AVEN: variants seen among roughly 807,000 people sequenced by gnomAD.
AVEN encodes cell death regulator Aven.
In AVEN, 41 loss-of-function variants were observed where a neutral mutation model predicts 38.1. The ratio of observed to expected loss-of-function variants is 1.08; its 90% CI spans 0.84 to 1.40. The LOEUF (loss-of-function observed/expected upper bound fraction) is 1.40, where lower values mean the gene tolerates loss of function less well. Among genes scored for constraint, AVEN ranks in the 40% most tolerant of loss-of-function variants. The pLI, the probability that AVEN is intolerant of heterozygous loss-of-function variation, is 0.00. For synonymous variants in AVEN, 206 were observed against 171.8 expected (o/e 1.20, Z -1.56); for missense variants, 605 against 438.8 (o/e 1.38, Z -3.38).
chr15:33,893,425 T>C (rs1044353818), intron 2 of AVEN, among the ~76,000 whole-genome samples: 1 of 152,124 alleles, frequency 6.6e-6, no homozygotes, highest in African/African-American at 2.4e-5. Flanking sequence ...GAAAGTAGTA[T>C]TTGCAGGGCG....
chr15:33,968,097 C>CT (rs1895462090), intron 2 of AVEN, among the ~76,000 whole-genome samples: 1 of 3,656 alleles, frequency 2.7e-4, no homozygotes, highest in African/African-American at 3.2e-4. Context: ...CCTAGCAAAG[C>CT]TTAAAAAAAA....
At chr15:34,001,869 C>A (rs1897149932) in intron 2 of AVEN, among the ~76,000 whole-genome samples, 1 of 152,174 alleles carries the variant, frequency 6.6e-6, no homozygotes, top group Non-Finnish European at 1.5e-5. Context: ...AAAGGTAGAA[C>A]TAAACAGCAA....
chr15:33,942,119 T>C (rs1894338702), intron 2 of AVEN, among the ~76,000 whole-genome samples: 1 of 152,230 alleles, frequency 6.6e-6, no homozygotes, highest in African/African-American at 2.4e-5. Context: ...CACAAAAAAA[T>C]TAATCTGTCC....
At chr15:33,864,060 G>C, downstream of AVEN, 4 of 1,086,012 alleles carry the variant, frequency 3.7e-6, no homozygotes, top group South Asian at 4.1e-5. Context: ...GCCTTTCTGA[G>C]CCCTGATCAC....
chr15:33,867,413 G>A, intron 5 of AVEN, 82 bp downstream of exon 5: 1 of 1,488,072 alleles, frequency 6.7e-7, no homozygotes, highest in Non-Finnish European at 9.0e-7. Flanking sequence ...CCAGAGGGAT[G>A]TGTGCGGATG....
chr15:34,008,852 T>C (rs139976165), intron 1 of AVEN, among the ~76,000 whole-genome samples: 167 of 152,042 alleles, frequency 1.1e-3, no homozygotes, highest in Non-Finnish European at 2.0e-3. Context: ...AAGAGATTCA[T>C]AGATACATAA....
chr15:33,902,592 A>C (rs1892536077), intron 2 of AVEN, among the ~76,000 whole-genome samples: 1 of 152,358 alleles, frequency 6.6e-6, no homozygotes, highest in Non-Finnish European at 1.5e-5. Flanking sequence ...CAAACAAGAA[A>C]GAAAAGGCAT....
downstream of AVEN, chr15:33,857,646 G>A (rs779985542): frequency 2.2e-5 from 23 of 1,067,450 alleles, no homozygotes; most frequent in East Asian, 1.7e-4. Flanking sequence ...TTTCTTAGCC[G>A]CCCTCCACCC....
downstream of AVEN, chr15:33,865,661 G>T: frequency 6.4e-6 from 1 of 156,238 alleles, no homozygotes; most frequent in Non-Finnish European, 1.4e-5. Flanking sequence ...GATAATAACT[G>T]CAGTCTAATT....
intron 2 of AVEN, among the ~76,000 whole-genome samples, chr15:33,942,622 T>A (rs965743604): frequency 6.6e-6 from 1 of 152,038 alleles, no homozygotes; most frequent in Non-Finnish European, 1.5e-5. Flanking sequence ...GGCTAATATT[T>A]TTGTATTTTT....
intron 1 of AVEN, among the ~76,000 whole-genome samples, chr15:34,030,962 T>C (rs1381503670): frequency 6.6e-6 from 1 of 152,132 alleles, no homozygotes; most frequent in East Asian, 1.9e-4. Flanking sequence ...GAATGGTCTT[T>C]TCAAGCCAGA....
chr15:33,999,359 C>T (rs1030859393), intron 2 of AVEN, among the ~76,000 whole-genome samples: 1 of 152,188 alleles, frequency 6.6e-6, no homozygotes, highest in African/African-American at 2.4e-5. Context: ...TACCTCAGTG[C>T]TTTCATTAGA....
downstream of AVEN, chr15:33,857,691 T>C (rs996448272): frequency 6.5e-7 from 1 of 1,535,184 alleles, no homozygotes; most frequent in African/African-American, 1.4e-5. Context: ...GTCCTCACTC[T>C]TCCTCCTCGT....
chr15:33,861,773 T>A (rs563743837), downstream of AVEN, among the ~76,000 whole-genome samples: 2 of 152,326 alleles, frequency 1.3e-5, no homozygotes, highest in African/African-American at 4.8e-5. Context: ...CTAAGCCCCA[T>A]GACCTGGGAT....
chr15:34,008,908 A>G (rs947366530), intron 1 of AVEN, among the ~76,000 whole-genome samples: 36 of 148,888 alleles, frequency 2.4e-4, no homozygotes, highest in African/African-American at 7.8e-4. Context: ...GACCCACTCC[A>G]TTTTGTTAAG....
intron 2 of AVEN, among the ~76,000 whole-genome samples, chr15:33,986,234 G>C (rs1476061479): frequency 6.6e-6 from 1 of 151,882 alleles, no homozygotes. Flanking sequence ...AGCCTCCCGA[G>C]TAGCTGGGAC....
In AVEN at chr15:33,867,408, GGGATGTGTGC is replaced by G; in HGVS notation, c.973+77_973+86del. 3.4e-6 allele frequency: 5 copies of G among 1,480,568 alleles called. No individual in the cohort carries two copies. In the South Asian group the frequency reaches 6.9e-5, roughly 20 times the overall value. 91.7% of individuals were successfully genotyped at this position (1,480,568 alleles called of 1,614,324 possible). On this transcript the variant is annotated intron_variant, in intron 5 of 5. Transcript: ENST00000306730. The stretch of plus-strand genomic sequence containing the variant: ...ACTGGATCAATGTCAGACACCCAGA[GGGATGTGTGC>G]GGATGTGATGCGGGCGGGGCTGTTC...
intron 3 of AVEN, among the ~76,000 whole-genome samples, chr15:33,872,302 G>T (rs928617589): frequency 1.3e-5 from 2 of 152,032 alleles, no homozygotes; most frequent in Non-Finnish European, 2.9e-5. Flanking sequence ...GACTCTGAGT[G>T]TCCAGTATCT....
At chr15:33,962,331 T>C (rs1895220933) in intron 2 of AVEN, among the ~76,000 whole-genome samples, 1 of 152,206 alleles carries the variant, frequency 6.6e-6, no homozygotes, top group African/African-American at 2.4e-5. Context: ...ATATTCTCTC[T>C]TGATTTCCCT....
Sources: gnomAD v4.1 joint callset for allele counts (sites outside exome capture counted in the v4.1 genomes callset) on GRCh38, gnomAD v4.1.1 for gene constraint, MANE v1.5 for transcripts, NCBI Gene and HGNC (gene_info 2026-07-23, HGNC 2026-07-21) for gene names.